ANKDD1B: variants seen among roughly 807,000 people sequenced by gnomAD.
The protein encoded by ANKDD1B is ankyrin repeat and death domain-containing protein 1B.
In ANKDD1B, 57 loss-of-function variants were observed where a neutral mutation model predicts 59.7. The observed-to-expected ratio is 0.95, with a 90% CI of 0.77 to 1.19. ANKDD1B has a LOEUF of 1.19. ANKDD1B is among the 50% of genes most tolerant of loss of function. ANKDD1B has a pLI of 0.00. For missense variants in ANKDD1B, 602 were observed against 641.9 expected (o/e 0.94, Z 0.67); for synonymous variants, 216 against 239.5 (o/e 0.90, Z 0.91).
chr5:75,646,973 C>T (rs1321961856), intron 7 of ANKDD1B, among the ~76,000 whole-genome samples: 1 of 30,564 alleles, frequency 3.3e-5, no homozygotes, highest in Non-Finnish European at 5.2e-5. Context: ...TGATCTTTGA[C>T]AAACCTGAGA....
chr5:75,634,563 G>A (rs898466506), intron 5 of ANKDD1B: 4 of 184,096 alleles, frequency 2.2e-5, no homozygotes, highest in African/African-American at 9.3e-5. Context: ...AAATAACTAT[G>A]GAATAAATAA....
chr5:75,661,080 T>G (rs1290027617), intron 10 of ANKDD1B, among the ~76,000 whole-genome samples: 3 of 150,372 alleles, frequency 2.0e-5, no homozygotes, highest in Admixed American at 6.6e-5. Context: ...GTTTTTTTGT[T>G]TTTTTTTTTC....
chr5:75,614,993 A>C (rs1490318898), intron 1 of ANKDD1B, among the ~76,000 whole-genome samples: 1 of 152,214 alleles, frequency 6.6e-6, no homozygotes, highest in Non-Finnish European at 1.5e-5. Context: ...TGTGCAAAAT[A>C]AATTTCTGTT....
At chr5:75,664,955 T>C (rs1238075578) in intron 11 of ANKDD1B, among the ~76,000 whole-genome samples, 1 of 152,236 alleles carries the variant, frequency 6.6e-6, no homozygotes, top group Non-Finnish European at 1.5e-5. Flanking sequence ...AAATTCTCTT[T>C]GTTCATTGAA....
intron 6 of ANKDD1B, chr5:75,635,565 G>A (rs1774276844): frequency 2.6e-6 from 1 of 379,462 alleles, no homozygotes; most frequent in Non-Finnish European, 4.7e-6. Context: ...CAAGGAGCAT[G>A]GATGATTTTT....
At chr5:75,648,011 C>T (rs1228956557) in intron 7 of ANKDD1B, among the ~76,000 whole-genome samples, 17 of 117,610 alleles carry the variant, frequency 1.4e-4, no homozygotes, top group African/African-American at 3.3e-4. Context: ...AACAAAAAAC[C>T]AAACACCGCA....
intron 10 of ANKDD1B, among the ~76,000 whole-genome samples, chr5:75,661,899 ATTTTTTTT>A (rs35120763): frequency 1.7e-4 from 16 of 92,808 alleles, no homozygotes; most frequent in Admixed American, 6.0e-4. Context: ...GGCTCCCACA[ATTTTTTTT>A]TTTTTTTTTT....
In ANKDD1B at chr5:75,656,092, T is replaced by C. The variant is rs1309214597; in HGVS notation, c.961T>C (p.Leu321=). Reference sequence around the variant, plus strand: ...CCACATCACGGTTGTAAACAGTTTATTAAGTGCACAGCATGATATTGACAT... The same window carrying C: ...CCACATCACGGTTGTAAACAGTTTACTAAGTGCACAGCATGATATTGACAT... ...NNHITVVNSL[L]SAQHDIDILN... Residue 321 remains leucine (L), a synonymous_variant, in exon 9 of 14, where the codon TTA becomes CTA. Coordinates refer to ENST00000601380, the MANE Select transcript of ANKDD1B (RefSeq NM_001276713.2). 2 of 1,527,838 alleles carry C rather than the reference T, an allele frequency of 1.3e-6. No homozygotes were observed. Among genetic ancestry groups the C allele is most frequent in the Non-Finnish European group, 1.8e-6 (2 of 1,139,746 alleles). The allele number at this position is 1,527,838 out of a possible 1,614,324, so 94.6% of individuals were successfully genotyped here.
At position 75,653,178 on chromosome 5, in the gene ANKDD1B, G is replaced by C. The variant is rs773851670; in HGVS notation, c.835G>C (p.Gly279Arg). The change falls in exon 8 of 14, where the codon GGC (glycine) becomes CGC (arginine). Residue 279 changes from glycine to arginine, a missense_variant. Gly to Arg is a moderately radical substitution (Grantham distance 125, BLOSUM62 -2). Around this residue, in one of 3 missense-constraint regions of ANKDD1B, gnomAD observed 280 missense variants for 319.8 expected, o/e 0.88. Transcript: ENST00000601380. ...TAGTTTGCAGATAGCAACCAGGAAC[G>C]GCCATGCATCCCTTGTCAACTTTCT... ...ISSLQIATRN[G>R]HASLVNFLLS... 6.5e-7 allele frequency: 1 copy of C among 1,536,000 alleles called. No individual in the cohort carries two copies. The highest frequency in any genetic ancestry group is 8.7e-7 in the Non-Finnish European group (1 of 1,146,864).
chr5:75,662,854 G>T (rs781636615), intron 10 of ANKDD1B, among the ~76,000 whole-genome samples: 16 of 151,998 alleles, frequency 1.1e-4, no homozygotes, highest in Non-Finnish European at 2.2e-4. Context: ...AAAATTTCTA[G>T]TTAGGGGTCC....
intron 2 of ANKDD1B, among the ~76,000 whole-genome samples, chr5:75,618,750 T>G (rs938163541): frequency 1.3e-5 from 2 of 151,868 alleles, no homozygotes; most frequent in Non-Finnish European, 1.5e-5. Context: ...TTTTGTTTTG[T>G]TTTGTTTTGT....
chr5:75,671,114 G>T lies in ANKDD1B; in HGVS notation c.*74G>T. On this transcript the variant is annotated 3_prime_UTR_variant, in exon 14 of 14. Transcript: ENST00000601380. ...CTTTTAATGCCATAAATTTCTTCTAGCAGTAGCACTGATTTTCAACTATGA... is the reference window on the plus strand; with the variant it reads ...CTTTTAATGCCATAAATTTCTTCTATCAGTAGCACTGATTTTCAACTATGA... The T allele has an allele frequency of 1.6e-6, 1 of 634,098 alleles. No individual in the cohort carries two copies. The allele number at this position is 634,098 out of a possible 1,614,324, so 39.3% of individuals were successfully genotyped here.
chr5:75,667,763 A>T (rs577772875), intron 12 of ANKDD1B, among the ~76,000 whole-genome samples: 1 of 152,340 alleles, frequency 6.6e-6, no homozygotes, highest in Admixed American at 6.5e-5. Flanking sequence ...TATTCAGAGC[A>T]CTGCCCTCTC....
intron 7 of ANKDD1B, among the ~76,000 whole-genome samples, chr5:75,648,328 A>G (rs544832763): frequency 5.3e-5 from 8 of 150,902 alleles, no homozygotes; most frequent in Admixed American, 5.3e-4. Context: ...GAGAATGTGG[A>G]GAGCTGTGCC....
intron 8 of ANKDD1B, among the ~76,000 whole-genome samples, chr5:75,653,767 C>T (rs10051731): frequency 6.6e-5 from 10 of 152,170 alleles, no homozygotes; most frequent in Admixed American, 3.9e-4. Flanking sequence ...TTCATTTCTC[C>T]GTTGAGAATA....
chr5:75,648,270 A>AAAAAAAAAAAATAAAAAAAAAAAAATT (rs1554068887), intron 7 of ANKDD1B, among the ~76,000 whole-genome samples: 1 of 88,096 alleles, frequency 1.1e-5, no homozygotes, highest in Non-Finnish European at 1.9e-5. Flanking sequence ...AAAAAATTAA[A>AAAAAAAAAAAATAAAAAAAAAAAAATT]AAAAAAAAAA....
At chr5:75,631,004 C>T (rs1317264634) in intron 5 of ANKDD1B, among the ~76,000 whole-genome samples, 4 of 152,286 alleles carry the variant, frequency 2.6e-5, no homozygotes, top group South Asian at 2.1e-4. Context: ...TGCCCAATCT[C>T]GAACCAATCA....
At chr5:75,653,300 G>A (rs1407535359) in intron 8 of ANKDD1B, 60 bp downstream of exon 8, 8 of 1,181,564 alleles carry the variant, frequency 6.8e-6, no homozygotes, top group African/African-American at 3.0e-5. Flanking sequence ...GCTGTGTCAG[G>A]GAGATGCCCC....
In ANKDD1B at chr5:75,656,065, A is replaced by C. The variant is rs1239107191; in HGVS notation, c.934A>C (p.Asn312His). 6.5e-7 allele frequency: 1 copy of C among 1,527,024 alleles called. No individual in the cohort carries two copies. The highest frequency in any genetic ancestry group is 2.0e-5 in the Admixed American group (1 of 50,868). The allele number at this position is 1,527,024 out of a possible 1,614,324, so 94.6% of individuals were successfully genotyped here. A position where few individuals can be genotyped will look rare whatever the true frequency, so the allele number is the denominator to read the frequency against. Residue 312 changes from asparagine to histidine, a missense_variant, in exon 9 of 14, where the codon AAC (asparagine) becomes CAC (histidine). Physicochemically the swap from Asn to His is moderately conservative, Grantham distance 68. Around this residue, in one of 3 missense-constraint regions of ANKDD1B, gnomAD observed 280 missense variants for 319.8 expected, o/e 0.88. Coordinates refer to ENST00000601380, the MANE Select transcript of ANKDD1B (RefSeq NM_001276713.2). Reference protein sequence around the residue: ...ESPLHLVVINNHITVVNSLLS... With the variant: ...ESPLHLVVINHHITVVNSLLS... ...CCCTCTTCATTTAGTTGTTATCAAC[A>C]ACCACATCACGGTTGTAAACAGTTT...
Sources: gnomAD v4.1 joint callset for allele counts (sites outside exome capture counted in the v4.1 genomes callset) on GRCh38, gnomAD v4.1.1 for gene constraint, gnomAD v4.1.1 regional missense constraint, MANE v1.5 for transcripts, NCBI Gene and HGNC (gene_info 2026-07-23, HGNC 2026-07-21) for gene names.